Variants in SULT2B1 observed in about 807,000 individuals in gnomAD.
The protein encoded by SULT2B1 is sulfotransferase 2B1.
Under a neutral mutation model 33.2 loss-of-function variants are expected in SULT2B1, and 16 were observed. The observed-to-expected ratio is 0.48, with a 90% confidence interval of 0.33 to 0.73. The LOEUF (loss-of-function observed/expected upper bound fraction) is 0.73. SULT2B1 is among the 30% of genes least tolerant of loss of function. The probability of loss-of-function intolerance (pLI) is 0.02; values close to 1 mark genes in which losing one functional copy is unlikely to be tolerated. For synonymous variants in SULT2B1, 186 were observed against 200.5 expected, an observed-to-expected ratio of 0.93 and a Z score of 0.61; for missense variants, 500 against 506.0, an observed-to-expected ratio of 0.99 and a Z score of 0.11.
chr19:48,565,189 G>A (rs1973229072), intron 1 of SULT2B1, among the ~76,000 whole-genome samples: 1 of 152,046 alleles, frequency 6.6e-6, no homozygotes, highest in Non-Finnish European at 1.5e-5. Context: ...GCCTCCCAAA[G>A]AGCTGGGATT....
At chr19:48,590,114 A>G (rs1260243268) in intron 3 of SULT2B1, among the ~76,000 whole-genome samples, 2 of 151,964 alleles carry the variant, frequency 1.3e-5, no homozygotes, top group Admixed American at 6.6e-5. Context: ...CAGCCTCCCA[A>G]ATAGCTGGGA....
chr19:48,586,478 C>G (rs796487105), intron 2 of SULT2B1, among the ~76,000 whole-genome samples: 99 of 152,278 alleles, frequency 6.5e-4, no homozygotes, highest in African/African-American at 1.3e-3. Context: ...TGGAGAGTCA[C>G]GTGGCGTGCG....
At chr19:48,584,859 T>C (rs887930894) in intron 2 of SULT2B1, among the ~76,000 whole-genome samples, 7 of 152,114 alleles carry the variant, frequency 4.6e-5, no homozygotes, top group African/African-American at 1.7e-4. Flanking sequence ...GAGACCAACC[T>C]GGCCAACATG....
rs1431866387 is a variant in SULT2B1 at position 48,575,340 on chromosome 19, T to C, written c.72-601T>C. Among the ~76,000 whole-genome samples the C allele has an allele frequency of 2.6e-5, 4 of 151,336 alleles. No individual in the cohort carries two copies. In the Admixed American group the frequency reaches 2.6e-4, roughly 10 times the overall value. On this transcript the variant is annotated intron_variant, in intron 1 of 6. Transcript: ENST00000201586. The stretch of plus-strand genomic sequence containing the variant: ...CCCAAGCTGGAGTGCAGTGGCGCGA[T>C]CTCAGCTCACTGAAACCTCCACCTC...
chr19:48,588,074 G>A (rs1973590729), intron 3 of SULT2B1, among the ~76,000 whole-genome samples: 1 of 151,722 alleles, frequency 6.6e-6, no homozygotes, highest in Non-Finnish European at 1.5e-5. Flanking sequence ...GTCGGATCTG[G>A]TGGTGGGTGC....
At chr19:48,597,647 C>CTCTTTT (rs1555735818) in intron 6 of SULT2B1, among the ~76,000 whole-genome samples, 3 of 15,776 alleles carry the variant, frequency 1.9e-4, no homozygotes, top group African/African-American at 9.1e-4. Context: ...CCGGCCTTTT[C>CTCTTTT]TTTTTTCTTT....
At chr19:48,594,689 G>C (rs1052538586) in intron 5 of SULT2B1, among the ~76,000 whole-genome samples, 1 of 152,194 alleles carries the variant, frequency 6.6e-6, no homozygotes, top group African/African-American at 2.4e-5. Context: ...TGGCGGAGCT[G>C]ACCAGAGGGC....
intron 5 of SULT2B1, 39 bp downstream of exon 5, chr19:48,592,855 T>C (rs769217470): frequency 2.0e-5 from 30 of 1,506,246 alleles, no homozygotes; most frequent in African/African-American, 2.8e-5. Context: ...GTCCCCCCCA[T>C]ACCCTCTGCT....
intron 2 of SULT2B1, among the ~76,000 whole-genome samples, chr19:48,586,452 A>G (rs577792296): frequency 2.5e-4 from 38 of 152,288 alleles, no homozygotes; most frequent in Non-Finnish European, 4.0e-4. Flanking sequence ...CTCTGTATCC[A>G]GAAGCAGAGA....
Position 48,586,223 on chromosome 19 carries a change from A to C in SULT2B1, c.215-1006A>C, listed in dbSNP as rs942944863. ...GGTGACAGAGCAAGATTCTGTCCCC[A>C]AAAAAATAAATAAGTAAAGCAATTC... On this transcript the variant is annotated intron_variant, in intron 2 of 6. Coordinates refer to ENST00000201586, the MANE Select transcript of SULT2B1 (RefSeq NM_177973.2). 1.1e-4 allele frequency among the ~76,000 whole-genome samples: 16 copies of C among 152,138 alleles called. 1 individual carries two copies. The highest frequency in any genetic ancestry group is 5.2e-4 in the Admixed American group (8 of 15,250).
At chr19:48,553,417 C>CGA (rs2147592102) in intron 1 of SULT2B1, among the ~76,000 whole-genome samples, 1 of 152,344 alleles carries the variant, frequency 6.6e-6, no homozygotes, top group East Asian at 1.9e-4. Flanking sequence ...AAGTGATTCT[C>CGA]CAGCCTCAGC....
At chr19:48,571,637 A>G (rs1013471848) in intron 1 of SULT2B1, among the ~76,000 whole-genome samples, 4 of 52,058 alleles carry the variant, frequency 7.7e-5, no homozygotes, top group African/African-American at 2.1e-4. Flanking sequence ...GAACAATAAC[A>G]AAAGAAAAAA....
At chr19:48,580,039 T>C (rs1190767724) in intron 2 of SULT2B1, among the ~76,000 whole-genome samples, 1 of 151,612 alleles carries the variant, frequency 6.6e-6, no homozygotes, top group Non-Finnish European at 1.5e-5. Context: ...TCCTCCCACC[T>C]GAGCCTCCTG....
chr19:48,599,394 A>G lies in SULT2B1; in HGVS notation c.1086A>G (p.Pro362=), dbSNP rs756883212. ...GCCAGGCCTCTGAGACCCCGCACCC[A>G]CGACCCTCATAATAAACACGTCGAT... ...SPGQASETPH[P]RPS The change falls in exon 7 of 7, where the codon CCA becomes CCG. Residue 362 remains proline, a synonymous_variant. Coordinates refer to ENST00000201586, the MANE Select transcript of SULT2B1 (RefSeq NM_177973.2). This position sits in a 1 kb window ranked among gnomAD's most constrained non-coding sequence, Gnocchi z 4.1. 5 of 1,554,022 alleles carry G rather than the reference A, an allele frequency of 3.2e-6. No homozygotes were observed. The South Asian group carries it at 5.9e-5, about 18-fold the overall frequency.
chr19:48,573,840 C>T (rs988291310), intron 1 of SULT2B1, among the ~76,000 whole-genome samples: 2 of 152,052 alleles, frequency 1.3e-5, no homozygotes, highest in African/African-American at 4.8e-5. Flanking sequence ...TCTACCCCAC[C>T]CACTGCACGA....
At chr19:48,580,612 C>T (rs1568409846) in intron 2 of SULT2B1, among the ~76,000 whole-genome samples, 1 of 151,704 alleles carries the variant, frequency 6.6e-6, no homozygotes, top group African/African-American at 2.4e-5. Context: ...TCCTCTATTG[C>T]CCCACATCTT....
intron 6 of SULT2B1, among the ~76,000 whole-genome samples, chr19:48,598,199 C>G (rs1199972990): frequency 6.6e-6 from 1 of 152,176 alleles, no homozygotes; most frequent in Non-Finnish European, 1.5e-5. Flanking sequence ...ACATGGGGCA[C>G]GTGCACTTGC....
chr19:48,571,208 TTTA>T (rs796885648), intron 1 of SULT2B1, among the ~76,000 whole-genome samples: 7 of 83,182 alleles, frequency 8.4e-5, no homozygotes, highest in South Asian at 8.2e-4. Flanking sequence ...TATTTATTTA[TTTA>T]TTTTGAGATG....
intron 1 of SULT2B1, among the ~76,000 whole-genome samples, chr19:48,563,397 G>A (rs889226384): frequency 7.9e-5 from 12 of 152,202 alleles, no homozygotes; most frequent in East Asian, 5.8e-4. Context: ...GGAAACCGCC[G>A]AGGTGTCCAT....
Sources: gnomAD v4.1 joint callset for allele counts (sites outside exome capture counted in the v4.1 genomes callset) on GRCh38, gnomAD v4.1.1 for gene constraint, Gnocchi (gnomAD v3.1) non-coding constraint, MANE v1.5 for transcripts, NCBI Gene and HGNC (gene_info 2026-07-23, HGNC 2026-07-21) for gene names.